Variants in CHRM2 observed in about 807,000 individuals in gnomAD.
CHRM2 encodes cholinergic receptor muscarinic 2, also known as muscarinic acetylcholine receptor M2.
In CHRM2, 8 loss-of-function variants were observed where a neutral mutation model predicts 25.0. The ratio of observed to expected loss-of-function variants is 0.32; its 90% CI spans 0.19 to 0.58. The LOEUF (loss-of-function observed/expected upper bound fraction) is 0.58. Among genes scored for constraint, CHRM2 ranks in the 20% least tolerant of loss-of-function variants. The probability of loss-of-function intolerance (pLI) is 0.88; values close to 1 mark genes in which losing one functional copy is unlikely to be tolerated. For synonymous variants in CHRM2, 202 were observed against 205.7 expected (o/e 0.98, Z 0.15); for missense variants, 440 against 567.1 (o/e 0.78, Z 2.28).
At chr7:136,901,618 T>TC (rs1563054655) in intron 2 of CHRM2, among the ~76,000 whole-genome samples, 1 of 151,918 alleles carries the variant, frequency 6.6e-6, no homozygotes, top group African/African-American at 2.4e-5. Flanking sequence ...GTCATTTTTT[T>TC]CCCCCATTTC....
At chr7:136,983,088 T>C (rs202030443) in intron 2 of CHRM2, among the ~76,000 whole-genome samples, 2 of 152,184 alleles carry the variant, frequency 1.3e-5, no homozygotes, top group East Asian at 3.9e-4. Flanking sequence ...CAATCAAACG[T>C]AGGTTTGGTC....
At chr7:136,976,064 T>C (rs1471951308) in intron 2 of CHRM2, among the ~76,000 whole-genome samples, 1 of 152,082 alleles carries the variant, frequency 6.6e-6, no homozygotes, top group African/African-American at 2.4e-5. Context: ...TCTTGAAGAA[T>C]GGATAGAAAT....
rs1584804355 is a variant in CHRM2, at chr7:136,947,779, T to C, written c.-124-44408T>C. On this transcript the variant is annotated intron_variant, in intron 2 of 3. Transcript: ENST00000680005. ...ACCTGGTAGTGATATTCAGTGCAGG[T>C]AAGAGAGGCTGGCTTCCACAGAGTC... Among the ~76,000 whole-genome samples, 3 of 152,270 alleles carry C rather than the reference T, an allele frequency of 2.0e-5. No individual in the cohort carries two copies. The South Asian group carries it at 6.2e-4, about 32-fold the overall frequency.
chr7:136,903,263 G>GTTGA, intron 2 of CHRM2: 1 of 533,838 alleles, frequency 1.9e-6, no homozygotes, highest in Non-Finnish European at 3.8e-6. Flanking sequence ...ACTCCATGCT[G>GTTGA]TTGAGCTGTT....
At chr7:136,971,618 C>CAAAAAAA (rs10708408) in intron 2 of CHRM2, among the ~76,000 whole-genome samples, 2 of 92,908 alleles carry the variant, frequency 2.2e-5, no homozygotes, top group Non-Finnish European at 4.1e-5. Flanking sequence ...CTCTGTTTCA[C>CAAAAAAA]AAAAAAAAAA....
chr7:136,943,743 C>G (rs997707054), intron 2 of CHRM2, among the ~76,000 whole-genome samples: 2 of 63,318 alleles, frequency 3.2e-5, no homozygotes, highest in Non-Finnish European at 6.9e-5. Context: ...CTCAGAAATT[C>G]AACAGGAGAA....
At chr7:136,959,590 G>A (rs1303777046) in intron 2 of CHRM2, among the ~76,000 whole-genome samples, 10 of 152,170 alleles carry the variant, frequency 6.6e-5, no homozygotes, top group Admixed American at 2.0e-4. Context: ...TCTGAAGTGG[G>A]TGACAGAAGA....
At chr7:136,931,543 T>C (rs951375151) in intron 2 of CHRM2, among the ~76,000 whole-genome samples, 1 of 152,182 alleles carries the variant, frequency 6.6e-6, no homozygotes, top group African/African-American at 2.4e-5. Flanking sequence ...TGACTGCAGA[T>C]CACACAAAGC....
chr7:136,923,146 A>G (rs1200408437), intron 2 of CHRM2, among the ~76,000 whole-genome samples: 2 of 151,868 alleles, frequency 1.3e-5, no homozygotes, highest in African/African-American at 4.8e-5. Context: ...TATGGAAGAT[A>G]TTTTCTTTAA....
Position 136,894,171 on chromosome 7 carries a change from A to G in CHRM2, c.-125+24753A>G, listed in dbSNP as rs538695039. Among the ~76,000 whole-genome samples, 51 of 152,304 alleles carry G rather than the reference A, an allele frequency of 3.3e-4. 2 individuals carry two copies. Among genetic ancestry groups the G allele is most frequent in the Non-Finnish European group, 1.5e-5 (1 of 68,036 alleles). ...ATTGTAAAGTACTTTAGAATGATAA[A>G]AACAGAAGCGTCTGATCTCAAAATG... On this transcript the variant is annotated intron_variant, in intron 2 of 3. Transcript: ENST00000680005.
At chr7:136,936,573 A>G (rs1799424059) in intron 2 of CHRM2, among the ~76,000 whole-genome samples, 1 of 151,722 alleles carries the variant, frequency 6.6e-6, no homozygotes, top group African/African-American at 2.4e-5. Context: ...TTAAGATCCA[A>G]CTCCATGTTT....
intron 3 of CHRM2, among the ~76,000 whole-genome samples, chr7:137,001,224 G>A (rs10242859): frequency 0.036 from 5,447 of 152,100 alleles, 172 homozygotes; most frequent in African/African-American, 0.083. Context: ...CCTCAGACAG[G>A]GTTGTTCCCA....
rs550569657 is a variant in CHRM2, at chr7:136,915,181, G to A, written c.-125+45763G>A. Among the ~76,000 whole-genome samples the A allele has an allele frequency of 4.0e-5, 6 of 151,898 alleles. No individual in the cohort carries two copies. In the East Asian group the frequency reaches 9.7e-4, roughly 25 times the overall value. On this transcript the variant is annotated intron_variant, in intron 2 of 3. Coordinates refer to ENST00000680005, the MANE Select transcript of CHRM2 (RefSeq NM_001006630.2). ...TTTAGGAAGAGAAATGTGTAGCTAC[G>A]GCAAGTCTCATTTTGATACTTAAGG...
chr7:136,938,734 G>C (rs1388531696), intron 2 of CHRM2, among the ~76,000 whole-genome samples: 2 of 151,976 alleles, frequency 1.3e-5, no homozygotes, highest in South Asian at 2.1e-4. Flanking sequence ...CGCTGCCCCA[G>C]AGCCTGGGAG....
At chr7:136,962,396 A>C (rs535308773) in intron 2 of CHRM2, among the ~76,000 whole-genome samples, 1 of 152,140 alleles carries the variant, frequency 6.6e-6, no homozygotes, top group South Asian at 2.1e-4. Context: ...CAGCCTCCCA[A>C]TGTGCTGGGA....
chr7:136,967,380 A>G (rs1476796746), intron 2 of CHRM2, among the ~76,000 whole-genome samples: 3 of 152,066 alleles, frequency 2.0e-5, no homozygotes, highest in Admixed American at 2.0e-4. Context: ...AATAATCTAC[A>G]TAGGGGAGAG....
rs902151379 is a variant in CHRM2 at position 136,996,758 on chromosome 7, C to A, written c.-47+4494C>A. Among the ~76,000 whole-genome samples, 4 of 152,024 alleles carry A rather than the reference C, an allele frequency of 2.6e-5. No homozygotes were observed. The East Asian group carries it at 7.7e-4, about 29-fold the overall frequency. ...ATAAAAATGATGCATTAGATGTTTT[C>A]GAATGTCATAGGAAAATGTCTGTGA... On this transcript the variant is annotated intron_variant, in intron 3 of 3. Coordinates refer to ENST00000680005, the MANE Select transcript of CHRM2 (RefSeq NM_001006630.2).
chr7:136,944,410 G>A (rs1181767924), intron 2 of CHRM2, among the ~76,000 whole-genome samples: 1 of 151,946 alleles, frequency 6.6e-6, no homozygotes, highest in African/African-American at 2.4e-5. Context: ...TGCTGCAAAT[G>A]CCATTATTTT....
At chr7:137,012,405 T>A (rs1804884132) in intron 3 of CHRM2, among the ~76,000 whole-genome samples, 1 of 152,086 alleles carries the variant, frequency 6.6e-6, no homozygotes, top group Admixed American at 6.6e-5. Context: ...ATAATTCAAC[T>A]GATCTAAGTT....
Sources: gnomAD v4.1 joint callset for allele counts (sites outside exome capture counted in the v4.1 genomes callset) on GRCh38, gnomAD v4.1.1 for gene constraint, MANE v1.5 for transcripts, NCBI Gene and HGNC (gene_info 2026-07-23, HGNC 2026-07-21) for gene names.